SBNO2: variants seen among roughly 807,000 people sequenced by gnomAD.
SBNO2 encodes the protein strawberry notch homolog 2.
Under a neutral mutation model 146.3 loss-of-function variants are expected in SBNO2, and 89 were observed. The observed-to-expected ratio is 0.61, with a 90% confidence interval of 0.51 to 0.73. The LOEUF (loss-of-function observed/expected upper bound fraction) is 0.73, where lower values mean the gene tolerates loss of function less well. Among genes scored for constraint, SBNO2 ranks in the 30% least tolerant of loss-of-function variants. The pLI, the probability that SBNO2 is intolerant of heterozygous loss-of-function variation, is 0.00. For missense variants in SBNO2, 2,092 were observed against 2,003.7 expected, an observed-to-expected ratio of 1.04 and a Z score of -0.84; for synonymous variants, 1,147 against 892.6, an observed-to-expected ratio of 1.29 and a Z score of -5.08.
rs543792694 is a variant in SBNO2, at chr19:1,169,538, G to A, written c.-127+4634C>T. 1.2e-3 allele frequency among the ~76,000 whole-genome samples: 180 copies of A among 152,340 alleles called. 1 individual carries two copies. The highest frequency in any genetic ancestry group is 4.1e-3 in the African/African-American group (171 of 41,580). ...AGAATGCAGCATTCCCTGCCCCTCC[G>A]AAGCAGTGAGTGGTTCAGGGGCAGA... On this transcript the variant is annotated intron_variant, in intron 1 of 31. Transcript: ENST00000361757.
chr19:1,125,326 T>A (rs1196701964), intron 5 of SBNO2, among the ~76,000 whole-genome samples: 1 of 128,790 alleles, frequency 7.8e-6, no homozygotes, highest in Non-Finnish European at 1.5e-5. Flanking sequence ...GCCATTGTAC[T>A]CCAGCCTGGG....
chr19:1,161,675 C>G (rs1230321035), intron 1 of SBNO2, among the ~76,000 whole-genome samples: 2 of 151,852 alleles, frequency 1.3e-5, no homozygotes, highest in Admixed American at 6.6e-5. Context: ...TAGGAACGGC[C>G]ACGTCATACT....
At chr19:1,127,853 C>T in intron 4 of SBNO2, 88 bp from the exon 5 acceptor site, 4 of 1,209,632 alleles carry the variant, frequency 3.3e-6, no homozygotes, top group Admixed American at 3.8e-5. Context: ...TGGGAGACAC[C>T]ACGGCCCTCC....
intron 2 of SBNO2, among the ~76,000 whole-genome samples, chr19:1,152,359 C>T (rs1044092174): frequency 6.6e-6 from 1 of 152,188 alleles, no homozygotes; most frequent in African/African-American, 2.4e-5. Context: ...TAAATAGTGC[C>T]GCTCTGTCTT....
At position 1,117,272 on chromosome 19, in the gene SBNO2, C is replaced by T. The variant is rs185386074; in HGVS notation, c.1704+51G>A. 8.8e-5 allele frequency: 132 copies of T among 1,500,928 alleles called. No individual in the cohort carries two copies. The African/African-American group carries it at 1.4e-3, about 15-fold the overall frequency. 93.0% of individuals were successfully genotyped at this position (1,500,928 alleles called of 1,614,324 possible). A position where few individuals can be genotyped will look rare whatever the true frequency, so the allele number is the denominator to read the frequency against. On this transcript the variant is annotated intron_variant, in intron 15 of 31. Coordinates refer to ENST00000361757, the MANE Select transcript of SBNO2 (RefSeq NM_014963.3). Reference sequence around the variant, plus strand: ...AAGGACCTGGAAGAAGAGCAGCCTCCGCCCCTGCAGGCCCGGCCGCCCTCA... The same window carrying T: ...AAGGACCTGGAAGAAGAGCAGCCTCTGCCCCTGCAGGCCCGGCCGCCCTCA...
At chr19:1,149,670 T>C (rs1301285452) in intron 2 of SBNO2, among the ~76,000 whole-genome samples, 2 of 152,178 alleles carry the variant, frequency 1.3e-5, no homozygotes, top group African/African-American at 4.8e-5. Context: ...CTGAAGGCAC[T>C]GAACCACCCG....
rs746628743 is a variant in SBNO2, at chr19:1,117,530, G to A, written c.1528-31C>T. On this transcript the variant is annotated intron_variant, in intron 14 of 31. Transcript: ENST00000361757. The stretch of plus-strand genomic sequence containing the variant: ...ATGACACGTCACAAGGCGCCCCTGA[G>A]CTGTGGCTCCTGGCTCCCGACCCGG... 55 of 1,537,288 alleles carry A rather than the reference G, an allele frequency of 3.6e-5. 2 individuals carry two copies. The African/African-American group carries it at 5.1e-4, about 14-fold the overall frequency.
rs1394747530 is a variant in SBNO2 at position 1,173,396 on chromosome 19, G to C, written c.-127+776C>G. Among the ~76,000 whole-genome samples the C allele has an allele frequency of 3.3e-5, 5 of 152,328 alleles. No individual in the cohort carries two copies. The East Asian group carries it at 7.7e-4, about 24-fold the overall frequency. On this transcript the variant is annotated intron_variant, in intron 1 of 31. Transcript: ENST00000361757. This position sits in a 1 kb window ranked among gnomAD's most constrained non-coding sequence, Gnocchi z 4.7. ...TGCAGACTCCGCCCAGACGGCCCCG[G>C]GGTCACCTAATATCAGCAAGCCCCC...
intron 19 of SBNO2, 150 bp from the exon 20 acceptor site, chr19:1,113,099 A>G: frequency 2.1e-6 from 2 of 936,896 alleles, no homozygotes; most frequent in South Asian, 1.7e-5. Context: ...GGAGGGCGGG[A>G]CTGCTGGACC....
At chr19:1,138,862 G>A (rs1318307164) in intron 4 of SBNO2, among the ~76,000 whole-genome samples, 1 of 150,830 alleles carries the variant, frequency 6.6e-6, no homozygotes, top group Admixed American at 6.6e-5. Flanking sequence ...AGACACAGTG[G>A]GGCCCTCCAT....
rs768400137 is a variant in SBNO2 at position 1,111,605 on chromosome 19, G to A, written c.2710C>T (p.Arg904Trp). 21 of 1,584,412 alleles carry A rather than the reference G, an allele frequency of 1.3e-5. No homozygotes were observed. The highest frequency in any genetic ancestry group is 2.3e-5 in the South Asian group (2 of 86,588). ...GTGGTGAGGACACAGTGCAGGGCCC[G>A]GGTGCCATACTAGGGGGAGAAGGTG... Reference protein sequence around the residue: ...KYNFENKYGTRALHCVLTTIL... With the variant: ...KYNFENKYGTWALHCVLTTIL... Residue 904 changes from arginine to tryptophan, a missense_variant, in exon 24 of 32, where the codon CGG becomes TGG. Physicochemically the swap from Arg to Trp is moderately radical, Grantham distance 101. Transcript: ENST00000361757.
In SBNO2 at chr19:1,113,523, C is replaced by T. The variant is rs776532196; in HGVS notation, c.2247+12G>A. 218 of 1,586,450 alleles carry T rather than the reference C, an allele frequency of 1.4e-4. No individual in the cohort carries two copies. Among genetic ancestry groups the T allele is most frequent in the South Asian group, 1.8e-4 (16 of 88,806 alleles). On this transcript the variant is annotated intron_variant, in intron 19 of 31. Coordinates refer to ENST00000361757, the MANE Select transcript of SBNO2 (RefSeq NM_014963.3). Reference sequence around the variant, plus strand: ...CCCGCCCACCACACTCCAGCTGCCACGTCCCACCCACCTCCGCCACCCGCT... The same window carrying T: ...CCCGCCCACCACACTCCAGCTGCCATGTCCCACCCACCTCCGCCACCCGCT...
At chr19:1,121,214 G>A (rs1288501579) in intron 11 of SBNO2, among the ~76,000 whole-genome samples, 2 of 152,218 alleles carry the variant, frequency 1.3e-5, no homozygotes, top group Non-Finnish European at 2.9e-5. Flanking sequence ...TAAGACGAAA[G>A]AAAGCCAAGT....
rs371986032 is a variant in SBNO2, at chr19:1,110,799, C to A, written c.2974G>T (p.Asp992Tyr). ...CGCTTGTCCATCTCGATGAGGTGGT[C>A]GAAGGTGTCTGAGAAGTACTGGAAC... ...ALFQYFSDTF[D>Y]HLIEMDKREG... The change falls in exon 26 of 32, where the codon GAC (aspartate) becomes TAC (tyrosine). Residue 992 changes from aspartate to tyrosine, a missense_variant. Asp to Tyr is a radical substitution (Grantham distance 160). Transcript: ENST00000361757. The surrounding 1 kb of genome is among the most constrained non-coding windows in gnomAD (Gnocchi z 4.9). 1 of 1,613,470 alleles carries A rather than the reference C, an allele frequency of 6.2e-7. No individual in the cohort carries two copies. The highest frequency in any genetic ancestry group is 1.3e-5 in the African/African-American group (1 of 74,842).
intron 4 of SBNO2, among the ~76,000 whole-genome samples, chr19:1,135,756 T>C (rs2080079427): frequency 6.6e-6 from 1 of 152,112 alleles, no homozygotes; most frequent in African/African-American, 2.4e-5. Context: ...GGAAACAGGC[T>C]ACGGGGATGG....
chr19:1,111,426 C>A, intron 24 of SBNO2, 80 bp downstream of exon 24: 1 of 998,626 alleles, frequency 1.0e-6, no homozygotes, highest in Non-Finnish European at 1.5e-6. Context: ...GCCTACAAAG[C>A]CTGCTGCCCC....
chr19:1,169,026 T>A (rs950551968), intron 1 of SBNO2: 3 of 152,236 alleles, frequency 2.0e-5, no homozygotes, highest in Non-Finnish European at 4.4e-5. Context: ...CTCTTTCGGT[T>A]TCACTTGGAC....
intron 4 of SBNO2, among the ~76,000 whole-genome samples, chr19:1,145,253 G>A (rs2080178696): frequency 6.6e-6 from 1 of 150,794 alleles, no homozygotes; most frequent in African/African-American, 2.4e-5. Context: ...GATCACCACA[G>A]GTCAGGAGTT....
intron 17 of SBNO2, chr19:1,115,713 C>A: frequency 2.0e-6 from 1 of 498,472 alleles, no homozygotes; most frequent in Non-Finnish European, 3.6e-6. Context: ...CCGTGGAGAC[C>A]CTGAAAACGG....
Sources: allele counts gnomAD v4.1 joint callset (sites outside exome capture counted in the v4.1 genomes callset), GRCh38; gene constraint gnomAD v4.1.1; non-coding constraint Gnocchi (gnomAD v3.1); transcripts MANE v1.5; gene names NCBI Gene and HGNC (gene_info 2026-07-23, HGNC 2026-07-21).